The following TENM3 variants were observed in gnomAD, a reference collection of about 807,000 sequenced individuals.
TENM3 encodes the protein teneurin transmembrane protein 3.
In TENM3, 63 loss-of-function variants were observed where a neutral mutation model predicts 255.1. That is an observed-to-expected ratio of 0.25 (90% CI 0.20 to 0.30). The LOEUF is 0.30. TENM3 is among the 10% of genes least tolerant of loss of function. The pLI is 1.00. For synonymous variants in TENM3, 1,306 were observed against 1,322.3 expected (o/e 0.99, Z 0.27); for missense variants, 2,929 against 3,461.1 (o/e 0.85, Z 3.86).
the TENM3 span, among the ~76,000 whole-genome samples, chr4:181,534,512 T>C: frequency 1.1e-3 from 161 of 151,850 alleles, no homozygotes; most frequent in African/African-American, 3.8e-3. Flanking sequence ...CCTTCGTACC[T>C]TTAGCTTGGC....
the TENM3 span, among the ~76,000 whole-genome samples, chr4:181,466,940 AT>A: frequency 7.1e-3 from 1,076 of 151,066 alleles, 11 homozygotes; most frequent in African/African-American, 0.024. Context: ...TATTGGTGCT[AT>A]TTTTAGGAAA....
At chr4:182,263,172 G>A (rs1252843297) in intron 1 of TENM3, among the ~76,000 whole-genome samples, 2 of 152,086 alleles carry the variant, frequency 1.3e-5, no homozygotes, top group Non-Finnish European at 1.5e-5. Flanking sequence ...GGGGTCAGGG[G>A]TTGTTGGGGG....
chr4:182,038,557 T>C, the TENM3 span, among the ~76,000 whole-genome samples: 1 of 152,156 alleles, frequency 6.6e-6, no homozygotes, highest in East Asian at 1.9e-4. Flanking sequence ...AGTCTGGTTT[T>C]AGATCCTGCA....
At chr4:182,682,894 A>G (rs549865238) in intron 11 of TENM3, among the ~76,000 whole-genome samples, 30 of 152,320 alleles carry the variant, frequency 2.0e-4, no homozygotes, top group African/African-American at 6.3e-4. Context: ...TTCTAAATCA[A>G]TACATCCTAG....
At chr4:181,946,117 T>A in the TENM3 span, among the ~76,000 whole-genome samples, 18 of 152,192 alleles carry the variant, frequency 1.2e-4, no homozygotes, top group African/African-American at 3.9e-4. Context: ...GTTGTTTTTA[T>A]TTTTCACCAT....
chr4:181,646,899 T>C, the TENM3 span, among the ~76,000 whole-genome samples: 3 of 152,228 alleles, frequency 2.0e-5, no homozygotes, highest in Non-Finnish European at 2.9e-5. Flanking sequence ...TCAGTAGAAT[T>C]GGTTAAGGAA....
the TENM3 span, among the ~76,000 whole-genome samples, chr4:181,962,490 G>A: frequency 6.6e-6 from 1 of 152,172 alleles, no homozygotes; most frequent in Admixed American, 6.5e-5. Context: ...TACCATGCCA[G>A]GAAAGTTTGT....
At chr4:182,568,912 A>G (rs1365444847) in intron 3 of TENM3, among the ~76,000 whole-genome samples, 1 of 152,222 alleles carries the variant, frequency 6.6e-6, no homozygotes, top group African/African-American at 2.4e-5. Context: ...AGTTACTTGA[A>G]TACATAAAAT....
chr4:182,185,968 C>T (rs1579638794), intron 1 of TENM3, among the ~76,000 whole-genome samples: 1 of 152,266 alleles, frequency 6.6e-6, no homozygotes, highest in Admixed American at 6.5e-5. Context: ...GATTTTTCTG[C>T]TCATTCTAAG....
At chr4:181,923,351 G>T in the TENM3 span, among the ~76,000 whole-genome samples, 1 of 152,110 alleles carries the variant, frequency 6.6e-6, no homozygotes, top group African/African-American at 2.4e-5. Context: ...TTGGAAAAGA[G>T]TTGGGGACCA....
At chr4:182,700,852 C>G (rs575028440) in intron 12 of TENM3, among the ~76,000 whole-genome samples, 1 of 152,180 alleles carries the variant, frequency 6.6e-6, no homozygotes, top group South Asian at 2.1e-4. Context: ...TTAGGGTAAT[C>G]TACATTGCAA....
chr4:181,768,839 A>T, the TENM3 span, among the ~76,000 whole-genome samples: 1 of 152,222 alleles, frequency 6.6e-6, no homozygotes, highest in Admixed American at 6.5e-5. Context: ...GAACCACATG[A>T]AAACATAAAA....
chr4:181,742,571 A>G, the TENM3 span, among the ~76,000 whole-genome samples: 3 of 152,162 alleles, frequency 2.0e-5, no homozygotes, highest in African/African-American at 7.2e-5. Context: ...AAATAAGAAT[A>G]AAGATGTATG....
intron 3 of TENM3, among the ~76,000 whole-genome samples, chr4:182,412,277 G>C (rs1234129490): frequency 6.6e-6 from 1 of 152,104 alleles, no homozygotes; most frequent in Non-Finnish European, 1.5e-5. Flanking sequence ...GAGCTTCAAG[G>C]TGCCAATACA....
At chr4:181,639,795 C>T in the TENM3 span, among the ~76,000 whole-genome samples, 2 of 152,136 alleles carry the variant, frequency 1.3e-5, no homozygotes, top group Non-Finnish European at 2.9e-5. Context: ...CCCTTAGCTA[C>T]TGTGACACTA....
chr4:182,022,428 A>G, the TENM3 span, among the ~76,000 whole-genome samples: 1 of 151,930 alleles, frequency 6.6e-6, no homozygotes, highest in South Asian at 2.1e-4. Flanking sequence ...AAGACCTGTG[A>G]GGCACTATGT....
At chr4:182,774,641 C>G (rs1489845652) in intron 23 of TENM3, among the ~76,000 whole-genome samples, 1 of 152,132 alleles carries the variant, frequency 6.6e-6, no homozygotes, top group Non-Finnish European at 1.5e-5. Flanking sequence ...CCCATGGAAG[C>G]TGAGCTCTCA....
At chr4:182,029,755 A>C in the TENM3 span, among the ~76,000 whole-genome samples, 1 of 152,172 alleles carries the variant, frequency 6.6e-6, no homozygotes, top group African/African-American at 2.4e-5. Context: ...CCTTGTATTC[A>C]TATGAAGAAA....
the TENM3 span, among the ~76,000 whole-genome samples, chr4:181,955,344 G>T: frequency 6.6e-6 from 1 of 152,094 alleles, no homozygotes; most frequent in South Asian, 2.1e-4. Context: ...AGCACTGCAG[G>T]AGTGGCTACC....
Sources: allele counts gnomAD v4.1 joint callset (sites outside exome capture counted in the v4.1 genomes callset), GRCh38; gene constraint gnomAD v4.1.1; transcripts MANE v1.5; gene names NCBI Gene and HGNC (gene_info 2026-07-23, HGNC 2026-07-21).